The following SHISA5 variants were observed in gnomAD, a reference collection of about 807,000 sequenced individuals.
SHISA5 encodes protein shisa-5.
A neutral mutation model predicts 27.5 loss-of-function variants in SHISA5; 21 were observed. The observed-to-expected ratio is 0.76, with a 90% confidence interval of 0.54 to 1.10. SHISA5 has a LOEUF of 1.10. Among genes scored for constraint, SHISA5 ranks in the 50% least tolerant of loss-of-function variants. The probability of loss-of-function intolerance (pLI) is 0.00; values close to 1 mark genes in which losing one functional copy is unlikely to be tolerated. For missense variants in SHISA5, 314 were observed against 336.3 expected (o/e 0.93, Z 0.52); for synonymous variants, 137 against 142.2 (o/e 0.96, Z 0.26).
At chr3:48,502,627 T>C (rs2041790811) in intron 1 of SHISA5, 1 of 340,506 alleles carries the variant, frequency 2.9e-6, no homozygotes, top group Admixed American at 3.9e-5. Flanking sequence ...CAGTCAAATG[T>C]TCCCATGTAT....
At chr3:48,483,712 G>C (rs1484339135) in intron 2 of SHISA5, among the ~76,000 whole-genome samples, 2 of 150,464 alleles carry the variant, frequency 1.3e-5, no homozygotes, top group African/African-American at 2.5e-5. Context: ...CTGGCCGGGT[G>C]GGGGGCTGAC....
upstream of SHISA5, chr3:48,504,344 G>C (rs1242783625): frequency 2.9e-6 from 1 of 343,636 alleles, no homozygotes; most frequent in Non-Finnish European, 5.2e-6. This position sits in a 1 kb window ranked among gnomAD's most constrained non-coding sequence, Gnocchi z 4.0. Context: ...CTTCGCGCCC[G>C]GGGTCTGCGC....
At chr3:48,478,124 C>G (rs2040882201) in intron 3 of SHISA5, among the ~76,000 whole-genome samples, 1 of 152,252 alleles carries the variant, frequency 6.6e-6, no homozygotes, top group South Asian at 2.1e-4. Flanking sequence ...ACGGGGCCAT[C>G]TGAAAGCCCA....
chr3:48,477,609 T>C (rs1328330568), intron 3 of SHISA5, among the ~76,000 whole-genome samples: 3 of 152,080 alleles, frequency 2.0e-5, no homozygotes, highest in Non-Finnish European at 4.4e-5. Context: ...CGGCTAAAAC[T>C]CTCCAAGGAG....
At position 48,504,168 on chromosome 3, in the gene SHISA5, G is replaced by T; in HGVS notation, c.-74C>A. On this transcript the variant is annotated 5_prime_UTR_variant, in exon 1 of 6. Transcript: ENST00000296444. This position sits in a 1 kb window ranked among gnomAD's most constrained non-coding sequence, Gnocchi z 4.0. ...CGCCACAGCCTCAGTGATCCGCGCG[G>T]CCGCCCCTCTCCCTCGCCCCGCCCC... The T allele has an allele frequency of 1.4e-6, 1 of 690,518 alleles. No individual in the cohort carries two copies. Among genetic ancestry groups the T allele is most frequent in the Non-Finnish European group, 2.0e-6 (1 of 489,114 alleles). 42.8% of individuals were successfully genotyped at this position (690,518 alleles called of 1,614,324 possible). A position where few individuals can be genotyped will look rare whatever the true frequency, so the allele number is the denominator to read the frequency against.
At chr3:48,497,093 G>T (rs981152144) in intron 2 of SHISA5, among the ~76,000 whole-genome samples, 1 of 151,112 alleles carries the variant, frequency 6.6e-6, no homozygotes, top group Non-Finnish European at 1.5e-5. Context: ...TTAGCTGGGT[G>T]TGGTGGCAGG....
chr3:48,499,019 T>C (rs1178049509), intron 2 of SHISA5, among the ~76,000 whole-genome samples: 1 of 149,156 alleles, frequency 6.7e-6, no homozygotes, highest in African/African-American at 2.5e-5. Flanking sequence ...GAGGTGGAGG[T>C]TGTGGTGAGC....
chr3:48,491,829 T>TG (rs551121744), intron 2 of SHISA5, among the ~76,000 whole-genome samples: 265 of 151,912 alleles, frequency 1.7e-3, no homozygotes, highest in Non-Finnish European at 3.2e-3. Context: ...TTAGTAGAGA[T>TG]GGGGTCTCAC....
chr3:48,501,046 G>C (rs2041737377), intron 2 of SHISA5, 91 bp downstream of exon 2: 3 of 1,391,782 alleles, frequency 2.2e-6, no homozygotes, highest in Non-Finnish European at 1.9e-6. Flanking sequence ...AGGGCTGAGA[G>C]GCCAGAGGGG....
chr3:48,500,654 C>T (rs1575334796), intron 2 of SHISA5, among the ~76,000 whole-genome samples: 1 of 152,162 alleles, frequency 6.6e-6, no homozygotes, highest in East Asian at 1.9e-4. Flanking sequence ...ACCCAACATG[C>T]AGGTAAATTC....
intron 1 of SHISA5, chr3:48,502,420 C>G (rs970769228): frequency 4.4e-6 from 2 of 456,586 alleles, no homozygotes; most frequent in African/African-American, 4.0e-5. Flanking sequence ...GCCTGGGCAA[C>G]AGGGCTCCAA....
chr3:48,470,339 G>A lies in SHISA5; in HGVS notation c.315-496C>T, dbSNP rs140615061. Among the ~76,000 whole-genome samples the A allele has an allele frequency of 2.9e-3, 440 of 152,352 alleles. 5 individuals are homozygous for A. The highest frequency in any genetic ancestry group is 0.01 in the African/African-American group (424 of 41,584). On this transcript the variant is annotated intron_variant, in intron 3 of 5. Transcript: ENST00000296444. The surrounding 1 kb of genome is among the most constrained non-coding windows in gnomAD (Gnocchi z 4.3). ...TGAGAGAAGCCCCAGGAGGGCAGAG[G>A]CCAGTGTGGCCAGAACAGGAGGCCC...
At chr3:48,479,148 G>A in intron 3 of SHISA5, 29 bp downstream of exon 3, 1 of 1,585,114 alleles carries the variant, frequency 6.3e-7, no homozygotes, top group Non-Finnish European at 8.6e-7. Context: ...TTGCCAGGAA[G>A]ATGCACCCAG....
intron 2 of SHISA5, among the ~76,000 whole-genome samples, chr3:48,485,792 G>C (rs1249886462): frequency 2.0e-5 from 3 of 151,308 alleles, no homozygotes; most frequent in Non-Finnish European, 4.4e-5. Flanking sequence ...GAGCCTGACA[G>C]CTGAGGTCCT....
chr3:48,479,309 GCA>G (rs754337375), intron 2 of SHISA5, 52 bp from the exon 3 acceptor site: 24 of 1,527,510 alleles, frequency 1.6e-5, no homozygotes, highest in Admixed American at 7.6e-5. Context: ...CCGAGCGCCA[GCA>G]CAAACACTAC....
rs772985353 is a variant in SHISA5 at position 48,469,364 on chromosome 3, C to T, written c.640G>A (p.Ala214Thr). 5.7e-6 allele frequency: 9 copies of T among 1,583,266 alleles called. No individual in the cohort carries two copies. The South Asian group carries it at 1.0e-4, about 18-fold the overall frequency. ...TAGAGTTGGCAGGGGCACTCACCAG[C>T]CAGGGTCTCGTGGTAGGCCGGTGGG... ...MGPPAYHETL[A>T]GGAAAPYPAS... Residue 214 changes from alanine (A) to threonine (T), a missense_variant, in exon 5 of 6, where the codon GCT becomes ACT. Ala to Thr is a moderately conservative substitution (Grantham distance 58). Transcript: ENST00000296444. This position sits in a 1 kb window ranked among gnomAD's most constrained non-coding sequence, Gnocchi z 4.6.
intron 2 of SHISA5, among the ~76,000 whole-genome samples, chr3:48,482,052 G>A (rs1575316276): frequency 7.2e-6 from 1 of 138,242 alleles, no homozygotes; most frequent in African/African-American, 2.7e-5. Flanking sequence ...CTGGGGGACA[G>A]AGTGAGACTC....
At chr3:48,479,154 C>G in intron 3 of SHISA5, 23 bp downstream of exon 3, 1 of 1,592,856 alleles carries the variant, frequency 6.3e-7, no homozygotes, top group Middle Eastern at 1.7e-4. Flanking sequence ...GGAAGATGCA[C>G]CCAGCCAGCA....
chr3:48,488,285 T>C (rs141014023), intron 2 of SHISA5, among the ~76,000 whole-genome samples: 1 of 148,480 alleles, frequency 6.7e-6, no homozygotes, highest in African/African-American at 2.5e-5. Flanking sequence ...GTCTTGCTTG[T>C]AGCCCAATCT....
Sources: gnomAD v4.1 joint callset for allele counts (sites outside exome capture counted in the v4.1 genomes callset) on GRCh38, gnomAD v4.1.1 for gene constraint, Gnocchi (gnomAD v3.1) non-coding constraint, MANE v1.5 for transcripts, NCBI Gene and HGNC (gene_info 2026-07-23, HGNC 2026-07-21) for gene names.